Variants in PDPK1 observed in about 807,000 individuals in gnomAD.
PDPK1 encodes 3-phosphoinositide dependent protein kinase 1.
PDPK1 carries 7 observed loss-of-function variants against 39.8 expected under a neutral mutation model. That is an observed-to-expected ratio of 0.18 (90% CI 0.10 to 0.33). The LOEUF (loss-of-function observed/expected upper bound fraction) is 0.33. PDPK1 is among the 10% of genes least tolerant of loss of function. The pLI is 1.00. For synonymous variants in PDPK1, 118 were observed against 159.1 expected, an observed-to-expected ratio of 0.74 and a Z score of 1.95; for missense variants, 182 against 384.7, an observed-to-expected ratio of 0.47 and a Z score of 4.41.
In PDPK1 at chr16:2,601,206, A is replaced by T. The variant is rs1171788354; in HGVS notation, c.*3439A>T. The T allele has an allele frequency of 4.3e-6, 1 of 233,770 alleles. No homozygotes were observed. Among genetic ancestry groups the T allele is most frequent in the Admixed American group, 5.6e-5 (1 of 17,780 alleles). The allele number at this position is 233,770 out of a possible 1,614,324, so 14.5% of individuals were successfully genotyped here. A position where few individuals can be genotyped will look rare whatever the true frequency, so the allele number is the denominator to read the frequency against. ...CTGTCTCTCTCTCGACCTGATGTGT[A>T]GACGCTCACTTCCAGTAGCAGAACC... On this transcript the variant is annotated 3_prime_UTR_variant, in exon 14 of 14. Coordinates refer to ENST00000342085, the MANE Select transcript of PDPK1 (RefSeq NM_002613.5).
intron 1 of PDPK1, among the ~76,000 whole-genome samples, chr16:2,551,659 CTTTTTTTTTT>C (rs1174322765): frequency 6.0e-5 from 8 of 132,944 alleles, no homozygotes; most frequent in African/African-American, 2.2e-4. Context: ...TGATTTCCAT[CTTTTTTTTTT>C]TTTTTTTTTG....
chr16:2,556,418 G>C (rs1334112119), intron 1 of PDPK1, among the ~76,000 whole-genome samples: 1 of 129,468 alleles, frequency 7.7e-6, no homozygotes, highest in Non-Finnish European at 1.6e-5. Flanking sequence ...AGGCTGGAGT[G>C]CAATGGCATG....
chr16:2,545,740 G>A (rs2066331224), intron 1 of PDPK1, among the ~76,000 whole-genome samples: 2 of 152,082 alleles, frequency 1.3e-5, no homozygotes, highest in East Asian at 1.9e-4. Context: ...TGATTCACCC[G>A]CCTTGGCCTC....
intron 1 of PDPK1, among the ~76,000 whole-genome samples, chr16:2,546,770 T>C (rs2066356159): frequency 6.6e-6 from 1 of 152,130 alleles, no homozygotes; most frequent in African/African-American, 2.4e-5. Context: ...TAAGGTGTCC[T>C]GTGGCGGCAA....
At chr16:2,592,831 G>A (rs572661836) in intron 11 of PDPK1, 8 of 456,520 alleles carry the variant, frequency 1.8e-5, no homozygotes, top group African/African-American at 8.0e-5. Flanking sequence ...CTGGGCCACC[G>A]GGGAGTGGAA....
Position 2,595,819 on chromosome 16 carries a change from T to C in PDPK1, c.1370T>C (p.Ile457Thr). The change falls in exon 12 of 14, where the codon ATA becomes ACA. Residue 457 changes from isoleucine to threonine, a missense_variant. Ile to Thr is a moderately conservative substitution (Grantham distance 89). Around this residue, in one of 5 missense-constraint regions of PDPK1, gnomAD observed 90 missense variants for 111.9 expected, o/e 0.80. Transcript: ENST00000342085. Reference sequence around the variant, plus strand: ...CACCAGTTTGTAGAAAATAATTTAATACTAAAGATGGGCCCAGTGGATAAG... The same window carrying C: ...CACCAGTTTGTAGAAAATAATTTAACACTAAAGATGGGCCCAGTGGATAAG... ...PWHQFVENNL[I>T]LKMGPVDKRK... 1 of 1,613,598 alleles carries C rather than the reference T, an allele frequency of 6.2e-7. No individual in the cohort carries two copies. Among genetic ancestry groups the C allele is most frequent in the Non-Finnish European group, 8.5e-7 (1 of 1,179,486 alleles).
intron 1 of PDPK1, 96 bp downstream of exon 1, chr16:2,538,232 G>T (rs1478408510): frequency 6.6e-6 from 4 of 606,396 alleles, no homozygotes; most frequent in Non-Finnish European, 8.4e-6. Flanking sequence ...CCGGGGTCCC[G>T]AGGGCCGGGT....
intron 1 of PDPK1, among the ~76,000 whole-genome samples, chr16:2,540,165 G>T (rs1454954005): frequency 1.3e-5 from 2 of 152,196 alleles, no homozygotes; most frequent in Non-Finnish European, 2.9e-5. Flanking sequence ...TTTGCATCTG[G>T]ACTTTAGGGT....
In PDPK1 at chr16:2,542,178, T is replaced by C. The variant is rs1007768220; in HGVS notation, c.24+4042T>C. 8.1e-4 allele frequency among the ~76,000 whole-genome samples: 124 copies of C among 152,378 alleles called. 1 individual carries two copies. The highest frequency in any genetic ancestry group is 2.5e-3 in the African/African-American group (102 of 41,590). ...TCTGTTTGTTTATTTATTTATTTTT[T>C]CGAGACAGTCTCGTTCTGTCACGCA... On this transcript the variant is annotated intron_variant, in intron 1 of 13. Transcript: ENST00000342085.
chr16:2,540,322 A>C (rs533172067), intron 1 of PDPK1, among the ~76,000 whole-genome samples: 61 of 152,338 alleles, frequency 4.0e-4, no homozygotes, highest in Admixed American at 2.2e-3. Flanking sequence ...AGAGGCAGTG[A>C]GTACCATTTC....
rs1247418622 is a variant in PDPK1, at chr16:2,601,452, C to T, written c.*3685C>T. ...CTCTCTGCCCTCCCTGCTGCCGTGGCTTTCAAGCGCTTGGCAGAATCTTGT... is the reference window on the plus strand; with the variant it reads ...CTCTCTGCCCTCCCTGCTGCCGTGGTTTTCAAGCGCTTGGCAGAATCTTGT... On this transcript the variant is annotated 3_prime_UTR_variant, in exon 14 of 14. Transcript: ENST00000342085. The T allele has an allele frequency of 4.3e-6, 1 of 234,554 alleles. No individual in the cohort carries two copies. The highest frequency in any genetic ancestry group is 2.2e-5 in the African/African-American group (1 of 45,320). 14.5% of individuals were successfully genotyped at this position (234,554 alleles called of 1,614,324 possible).
intron 11 of PDPK1, chr16:2,594,096 A>T (rs765918270): frequency 3.3e-5 from 5 of 152,168 alleles, no homozygotes; most frequent in African/African-American, 1.2e-4. Context: ...GGTGGGTCAG[A>T]TGGTGGGGCT....
intron 1 of PDPK1, chr16:2,538,656 C>T (rs1424108363): frequency 3.1e-6 from 4 of 1,288,876 alleles, no homozygotes; most frequent in Non-Finnish European, 4.0e-6. Flanking sequence ...TCGCCTTTCA[C>T]GGCCCGGCCA....
rs566661760 is a variant in PDPK1, at chr16:2,602,169, T to G, written c.*4402T>G. The G allele has an allele frequency of 4.3e-6, 1 of 234,578 alleles. No homozygotes were observed. The highest frequency in any genetic ancestry group is 1.8e-4 in the South Asian group (1 of 5,532). The allele number at this position is 234,578 out of a possible 1,614,324, so 14.5% of individuals were successfully genotyped here. A position where few individuals can be genotyped will look rare whatever the true frequency, so the allele number is the denominator to read the frequency against. ...TTGTCATACACTTTTCCCCAGTTAT[T>G]TTCAAACTTGACATGAGCCTATGTT... On this transcript the variant is annotated 3_prime_UTR_variant, in exon 14 of 14. Coordinates refer to ENST00000342085, the MANE Select transcript of PDPK1 (RefSeq NM_002613.5).
chr16:2,594,904 A>G (rs1319610835), intron 11 of PDPK1, among the ~76,000 whole-genome samples: 2 of 152,082 alleles, frequency 1.3e-5, no homozygotes, highest in African/African-American at 4.8e-5. Flanking sequence ...GGTGGATCAC[A>G]AGGTCAGGAG....
rs2067223048 is a variant in PDPK1 at position 2,601,821 on chromosome 16, CT to C, written c.*4055del. The C allele has an allele frequency of 4.4e-6, 1 of 228,852 alleles. No individual in the cohort carries two copies. Among genetic ancestry groups the C allele is most frequent in the Non-Finnish European group, 8.7e-6 (1 of 114,962 alleles). The allele number at this position is 228,852 out of a possible 1,614,324, so 14.2% of individuals were successfully genotyped here. ...ATTTCAGGCCGCCCCCCCCAACTCC[CT>C]GCCCACAGTGTTGCAGATTGCCTGG... On this transcript the variant is annotated 3_prime_UTR_variant, in exon 14 of 14. Transcript: ENST00000342085.
At position 2,597,072 on chromosome 16, in the gene PDPK1, A is replaced by G. The variant is rs1449694957; in HGVS notation, c.1402-51A>G. 9 of 1,462,724 alleles carry G rather than the reference A, an allele frequency of 6.2e-6. No homozygotes were observed. Among genetic ancestry groups the G allele is most frequent in the Non-Finnish European group, 8.3e-6 (9 of 1,090,202 alleles). 90.6% of individuals were successfully genotyped at this position (1,462,724 alleles called of 1,614,324 possible). On this transcript the variant is annotated intron_variant, in intron 12 of 13. Coordinates refer to ENST00000342085, the MANE Select transcript of PDPK1 (RefSeq NM_002613.5). This position sits in a 1 kb window ranked among gnomAD's most constrained non-coding sequence, Gnocchi z 6.3. ...CGCCCAGCCCTCTAGGCTCCAGGAG[A>G]TGCCGTCAGCACTGGCCTCTGAGGC... is the stretch of plus-strand genomic sequence containing the variant.
At position 2,545,068 on chromosome 16, in the gene PDPK1, G is replaced by A. The variant is rs2066315503; in HGVS notation, c.24+6932G>A. ...TTTTTTTTTTTTGAGATGGAATCTCGTGCTGTTGCCCAGGCTGGAGTGCAG... is the reference window on the plus strand; with the variant it reads ...TTTTTTTTTTTTGAGATGGAATCTCATGCTGTTGCCCAGGCTGGAGTGCAG... On this transcript the variant is annotated intron_variant, in intron 1 of 13. Transcript: ENST00000342085. Among the ~76,000 whole-genome samples, 6 of 138,584 alleles carry A rather than the reference G, an allele frequency of 4.3e-5. No individual in the cohort carries two copies. The South Asian group carries it at 8.9e-4, about 21-fold the overall frequency. The allele number at this position is 138,584 out of a possible 152,430, so 90.9% of individuals were successfully genotyped here.
intron 11 of PDPK1, chr16:2,592,951 C>T (rs1460741882): frequency 4.4e-6 from 2 of 456,638 alleles, no homozygotes; most frequent in Admixed American, 4.7e-5. Context: ...TGTCACTGAG[C>T]CACTCTGGGG....
Sources: gnomAD v4.1 joint callset for allele counts (sites outside exome capture counted in the v4.1 genomes callset) on GRCh38, gnomAD v4.1.1 for gene constraint, gnomAD v4.1.1 regional missense constraint, Gnocchi (gnomAD v3.1) non-coding constraint, MANE v1.5 for transcripts, NCBI Gene and HGNC (gene_info 2026-07-23, HGNC 2026-07-21) for gene names.